The following TMEM232 variants were observed in gnomAD, a reference collection of about 807,000 sequenced individuals.
TMEM232 encodes transmembrane protein 232.
Under a neutral mutation model 78.8 loss-of-function variants are expected in TMEM232, and 80 were observed. That is an observed-to-expected ratio of 1.01 (90% confidence interval 0.85 to 1.22). The LOEUF (loss-of-function observed/expected upper bound fraction) is 1.22, where lower values mean the gene tolerates loss of function less well. TMEM232 is among the 50% of genes most tolerant of loss of function. The pLI, the probability that TMEM232 is intolerant of heterozygous loss-of-function variation, is 0.00. For missense variants in TMEM232, 881 were observed against 742.2 expected (o/e 1.19, Z -2.17); for synonymous variants, 297 against 254.3 (o/e 1.17, Z -1.60).
chr5:110,487,295 CTTTA>C lies in TMEM232; in HGVS notation c.1703+41289_1703+41292del, dbSNP rs570488168. ...ACTTCCTGTTTAGGATTTGGATGCC[CTTTA>C]TTTCTTTCTCTTGTCTGATTGCTCT... is the stretch of plus-strand genomic sequence containing the variant. On this transcript the variant is annotated intron_variant, in intron 12 of 13. Coordinates refer to ENST00000455884, the MANE Select transcript of TMEM232 (RefSeq NM_001039763.4). 9.2e-5 allele frequency among the ~76,000 whole-genome samples: 14 copies of C among 152,140 alleles called. No homozygotes were observed. The South Asian group carries it at 2.9e-3, about 32-fold the overall frequency.
chr5:110,572,397 G>GA (rs1171772703), intron 10 of TMEM232, among the ~76,000 whole-genome samples: 1 of 151,872 alleles, frequency 6.6e-6, no homozygotes, highest in African/African-American at 2.4e-5. Flanking sequence ...GAGCCTCTGA[G>GA]AAAAAATAAG....
intron 12 of TMEM232, among the ~76,000 whole-genome samples, chr5:110,498,388 C>T (rs1283742400): frequency 3.3e-5 from 5 of 152,124 alleles, no homozygotes; most frequent in African/African-American, 1.2e-4. Context: ...TAAGCCCTAT[C>T]TGGATCAGAA....
At chr5:110,627,259 T>C (rs1214594200) in intron 6 of TMEM232, among the ~76,000 whole-genome samples, 1 of 152,066 alleles carries the variant, frequency 6.6e-6, no homozygotes, top group Non-Finnish European at 1.5e-5. Context: ...TACTAAAATA[T>C]GAATTTAACT....
intron 10 of TMEM232, among the ~76,000 whole-genome samples, chr5:110,585,242 TA>T (rs1260380754): frequency 6.6e-6 from 1 of 152,068 alleles, no homozygotes; most frequent in African/African-American, 2.4e-5. Context: ...GAATGGGAGA[TA>T]ATAGGAAACT....
chr5:110,727,533 C>T (rs1042903415), upstream of TMEM232, among the ~76,000 whole-genome samples: 1 of 152,056 alleles, frequency 6.6e-6, no homozygotes, highest in African/African-American at 2.4e-5. Context: ...TGCTTGAACC[C>T]AGGAGATGGA....
intron 1 of TMEM232, among the ~76,000 whole-genome samples, chr5:110,723,786 G>C (rs997117231): frequency 6.6e-6 from 1 of 152,140 alleles, no homozygotes; most frequent in Non-Finnish European, 1.5e-5. Context: ...ATGAGTTCTA[G>C]CTAAAGCTTA....
At chr5:110,584,554 T>C (rs866801220) in intron 10 of TMEM232, among the ~76,000 whole-genome samples, 71 of 152,190 alleles carry the variant, frequency 4.7e-4, no homozygotes, top group Middle Eastern at 3.4e-3. Context: ...ACAAGATGAA[T>C]AAGTTCTAGA....
chr5:110,420,416 C>A lies in TMEM232; in HGVS notation c.*164G>T. The A allele has an allele frequency of 2.0e-6, 1 of 502,320 alleles. No individual in the cohort carries two copies. Among genetic ancestry groups the A allele is most frequent in the Non-Finnish European group, 3.3e-6 (1 of 299,142 alleles). The allele number at this position is 502,320 out of a possible 1,614,324, so 31.1% of individuals were successfully genotyped here. On this transcript the variant is annotated 3_prime_UTR_variant, in exon 14 of 14. Transcript: ENST00000455884. ...TCATTAATTTAGAACTAAGAAATAA[C>A]TATTAAACAAACAGCTTGTATCAGG...
chr5:110,520,471 A>T (rs1769342929), intron 12 of TMEM232, among the ~76,000 whole-genome samples: 1 of 152,206 alleles, frequency 6.6e-6, no homozygotes, highest in South Asian at 2.1e-4. Flanking sequence ...ACAATTATAA[A>T]CAAATATTAC....
chr5:110,715,015 A>G (rs1425673145), intron 1 of TMEM232, among the ~76,000 whole-genome samples: 2 of 152,172 alleles, frequency 1.3e-5, no homozygotes, highest in Non-Finnish European at 2.9e-5. Context: ...AATATGAATA[A>G]GACATATTTT....
chr5:110,528,775 C>G lies in TMEM232; in HGVS notation c.1516G>C (p.Val506Leu). 1 of 1,533,004 alleles carries G rather than the reference C, an allele frequency of 6.5e-7. No individual in the cohort carries two copies. Among genetic ancestry groups the G allele is most frequent in the Non-Finnish European group, 8.7e-7 (1 of 1,145,368 alleles). 95.0% of individuals were successfully genotyped at this position (1,533,004 alleles called of 1,614,324 possible). ...TATTTGGAGAAAACTTCTTCTCCTA[C>G]ATTTGATGAAATATTTGTACTATAT... Reference protein sequence around the residue: ...TRYSTNISSNVGEEVFSKYIG... With the variant: ...TRYSTNISSNLGEEVFSKYIG... Residue 506 changes from valine (V) to leucine (L), a missense_variant, in exon 12 of 14, where the codon GTA becomes CTA. Coordinates refer to ENST00000455884, the MANE Select transcript of TMEM232 (RefSeq NM_001039763.4).
chr5:110,469,170 C>G (rs924201745), intron 12 of TMEM232, among the ~76,000 whole-genome samples: 1 of 152,158 alleles, frequency 6.6e-6, no homozygotes, highest in African/African-American at 2.4e-5. Flanking sequence ...TAGAAACAAA[C>G]AGCCAATACT....
At chr5:110,507,223 G>T (rs1458587888) in intron 12 of TMEM232, among the ~76,000 whole-genome samples, 2 of 152,136 alleles carry the variant, frequency 1.3e-5, no homozygotes, top group African/African-American at 4.8e-5. Context: ...ATTATTTTGT[G>T]TGACTTTTTA....
chr5:110,404,188 T>TA (rs1195028604), intron 2 of TMEM232, among the ~76,000 whole-genome samples: 1 of 152,072 alleles, frequency 6.6e-6, no homozygotes, highest in African/African-American at 2.4e-5. Context: ...AGGCTTAACT[T>TA]ATAATGTCAA....
intron 5 of TMEM232, among the ~76,000 whole-genome samples, chr5:110,628,662 AGT>A (rs146531604): frequency 0.023 from 3,170 of 140,332 alleles, 55 homozygotes; most frequent in African/African-American, 0.046. Context: ...GTCAGTATCC[AGT>A]GTGTGTGTGT....
chr5:110,641,062 T>A (rs1786626505), intron 3 of TMEM232, 66 bp from the exon 4 acceptor site: 1 of 1,007,718 alleles, frequency 9.9e-7, no homozygotes, highest in East Asian at 3.3e-5. Flanking sequence ...TATTTATTTT[T>A]AACTCTTAAT....
chr5:110,562,337 A>G (rs780170886), intron 11 of TMEM232, among the ~76,000 whole-genome samples: 3 of 151,968 alleles, frequency 2.0e-5, no homozygotes, highest in Non-Finnish European at 4.4e-5. Context: ...TCAACCTACA[A>G]TGTTCTTTTC....
intron 1 of TMEM232, among the ~76,000 whole-genome samples, chr5:110,695,087 A>G (rs57281001): frequency 0.094 from 14,246 of 152,242 alleles, 789 homozygotes; most frequent in South Asian, 0.18. Context: ...AAGAACAGAA[A>G]TTATAACAAA....
chr5:110,539,762 A>G (rs997094082), intron 11 of TMEM232, among the ~76,000 whole-genome samples: 3 of 152,112 alleles, frequency 2.0e-5, no homozygotes, highest in African/African-American at 7.2e-5. Flanking sequence ...TACTACAAAA[A>G]CTTTTAATTT....
Sources: gnomAD v4.1 joint callset for allele counts (sites outside exome capture counted in the v4.1 genomes callset) on GRCh38, gnomAD v4.1.1 for gene constraint, MANE v1.5 for transcripts, NCBI Gene and HGNC (gene_info 2026-07-23, HGNC 2026-07-21) for gene names.